Variants in GRM4 observed in about 807,000 individuals in gnomAD.
GRM4 encodes metabotropic glutamate receptor 4.
GRM4 carries 28 observed loss-of-function variants against 81.7 expected under a neutral mutation model. That is an observed-to-expected ratio of 0.34 (90% CI 0.25 to 0.47). The LOEUF is 0.47. GRM4 is among the 20% of genes least tolerant of loss of function. GRM4 has a pLI of 1.00. For synonymous variants in GRM4, 488 were observed against 528.8 expected, an observed-to-expected ratio of 0.92 and a Z score of 1.06; for missense variants, 948 against 1,290.0, an observed-to-expected ratio of 0.73 and a Z score of 4.06.
chr6:34,088,508 G>A (rs1280470892), intron 3 of GRM4, among the ~76,000 whole-genome samples: 16 of 152,138 alleles, frequency 1.1e-4, no homozygotes, highest in Admixed American at 5.9e-4. Context: ...TCCCAAGACC[G>A]CACAGCCAAT....
intron 1 of GRM4, among the ~76,000 whole-genome samples, chr6:34,135,471 A>G (rs1680399891): frequency 6.6e-6 from 1 of 152,230 alleles, no homozygotes; most frequent in Non-Finnish European, 1.5e-5. Context: ...CAGCAAATCA[A>G]GATGCATCCA....
At chr6:34,071,351 C>CCACA (rs756108710) in intron 3 of GRM4, among the ~76,000 whole-genome samples, 2 of 118,030 alleles carry the variant, frequency 1.7e-5, no homozygotes, top group African/African-American at 6.3e-5. Context: ...AAACACCGCA[C>CCACA]CACACACACA....
intron 3 of GRM4, among the ~76,000 whole-genome samples, chr6:34,081,841 G>T (rs1013609237): frequency 6.6e-6 from 1 of 152,200 alleles, no homozygotes; most frequent in Non-Finnish European, 1.5e-5. Flanking sequence ...AGCTCAGAGT[G>T]GGGGACTTGG....
chr6:34,103,848 G>T, intron 2 of GRM4: 1 of 1,424,008 alleles, frequency 7.0e-7, no homozygotes, highest in South Asian at 1.5e-5. Context: ...GATGTGTCAG[G>T]CACTGCGAGG....
intron 1 of GRM4, among the ~76,000 whole-genome samples, chr6:34,145,614 C>T (rs1770897878): frequency 6.6e-6 from 1 of 152,132 alleles, no homozygotes; most frequent in Admixed American, 6.5e-5. Flanking sequence ...GAGCGAGAGA[C>T]GAGAGAGCGA....
chr6:34,138,581 C>T (rs1438488001), intron 1 of GRM4, among the ~76,000 whole-genome samples: 1 of 152,236 alleles, frequency 6.6e-6, no homozygotes, highest in Non-Finnish European at 1.5e-5. Flanking sequence ...CCTCTGCTAT[C>T]CATCCGGGCC....
chr6:34,022,493 C>T lies in GRM4; in HGVS notation c.*328G>A. The stretch of plus-strand genomic sequence containing the variant: ...ACAGACAGAGGGGTCGCCAACAGCA[C>T]AGACAGAGACGAAGGGAGGGAGAGA... On this transcript the variant is annotated 3_prime_UTR_variant, in exon 11 of 11. Transcript: ENST00000538487. This position sits in a 1 kb window ranked among gnomAD's most constrained non-coding sequence, Gnocchi z 5.6. The T allele has an allele frequency of 2.6e-6, 1 of 383,396 alleles. No homozygotes were observed. Among genetic ancestry groups the T allele is most frequent in the South Asian group, 3.6e-5 (1 of 27,764 alleles). 23.7% of individuals were successfully genotyped at this position (383,396 alleles called of 1,614,324 possible).
intron 3 of GRM4, among the ~76,000 whole-genome samples, chr6:34,065,451 A>G (rs2127464409): frequency 6.6e-6 from 1 of 152,324 alleles, no homozygotes; most frequent in Non-Finnish European, 1.5e-5. Context: ...TCAGGGAACA[A>G]GCCCACTCCG....
At chr6:34,057,524 G>C (rs909641185) in intron 5 of GRM4, among the ~76,000 whole-genome samples, 1 of 152,184 alleles carries the variant, frequency 6.6e-6, no homozygotes, top group Non-Finnish European at 1.5e-5. Flanking sequence ...CCTGTGGGGG[G>C]CCATCCTGTG....
rs1050292691 is a variant in GRM4, at chr6:34,115,357, G to C, written c.519+17621C>G. On this transcript the variant is annotated intron_variant, in intron 2 of 10. Coordinates refer to ENST00000538487, the MANE Select transcript of GRM4 (RefSeq NM_000841.4). The surrounding 1 kb of genome is among the most constrained non-coding windows in gnomAD (Gnocchi z 4.1). ...CCCTACATTGTTAGCGCAGTAGAGA[G>C]AGCAACCGTGTCTCCAGGCTTCAAT... 2.8e-4 allele frequency among the ~76,000 whole-genome samples: 42 copies of C among 152,342 alleles called. 1 individual carries two copies. Among genetic ancestry groups the C allele is most frequent in the Non-Finnish European group, 1.6e-4 (11 of 68,028 alleles).
chr6:34,037,508 C>T (rs1764771796), intron 8 of GRM4, among the ~76,000 whole-genome samples: 1 of 152,156 alleles, frequency 6.6e-6, no homozygotes, highest in Non-Finnish European at 1.5e-5. Flanking sequence ...TGCATTTGCA[C>T]TGGGTGCTAC....
chr6:34,081,436 C>G (rs9469710), intron 3 of GRM4, among the ~76,000 whole-genome samples: 48 of 152,356 alleles, frequency 3.2e-4, no homozygotes, highest in African/African-American at 9.4e-4. Flanking sequence ...GGCCGAGTCT[C>G]TTCAGGCTCA....
At chr6:34,122,730 G>A (rs1484349807) in intron 2 of GRM4, among the ~76,000 whole-genome samples, 1 of 141,412 alleles carries the variant, frequency 7.1e-6, no homozygotes, top group African/African-American at 2.8e-5. Context: ...TCCCCGGTTT[G>A]TCTGTCTGTC....
chr6:34,122,651 G>T (rs1037757927), intron 2 of GRM4, among the ~76,000 whole-genome samples: 2 of 151,980 alleles, frequency 1.3e-5, no homozygotes, highest in Non-Finnish European at 1.5e-5. Context: ...GCAGACTAAG[G>T]GGGGTCCACC....
chr6:34,102,112 T>C lies in GRM4; in HGVS notation c.520-10013A>G, dbSNP rs973635472. 14 of 1,535,422 alleles carry C rather than the reference T, an allele frequency of 9.1e-6. No homozygotes were observed. The African/African-American group carries it at 9.6e-5, about 11-fold the overall frequency. On this transcript the variant is annotated intron_variant, in intron 2 of 10. Coordinates refer to ENST00000538487, the MANE Select transcript of GRM4 (RefSeq NM_000841.4). ...CATGGGGAAATAGCTTGGGAAGAGT[T>C]TGCACCATCTTGCAGCCAGCCGGAA... is the stretch of plus-strand genomic sequence containing the variant.
At chr6:34,024,019 A>G (rs1294896251) in intron 10 of GRM4, among the ~76,000 whole-genome samples, 1 of 151,952 alleles carries the variant, frequency 6.6e-6, no homozygotes, top group Non-Finnish European at 1.5e-5. Flanking sequence ...AGCTGCCCTG[A>G]CCCTCGGTCA....
Position 34,064,613 on chromosome 6 carries a change from G to A in GRM4, c.737-2585C>T, listed in dbSNP as rs1225619688. 6.6e-6 allele frequency among the ~76,000 whole-genome samples: 1 copy of A among 152,216 alleles called. No individual in the cohort carries two copies. Among genetic ancestry groups the A allele is most frequent in the East Asian group, 1.9e-4 (1 of 5,194 alleles). ...GCCCGTGGGTTCCCTCTGTTTCACA[G>A]CCCTATTGTCAGCATGTCCGCTCAG... is the stretch of plus-strand genomic sequence containing the variant. On this transcript the variant is annotated intron_variant, in intron 3 of 10. Transcript: ENST00000538487. This position sits in a 1 kb window ranked among gnomAD's most constrained non-coding sequence, Gnocchi z 4.4.
chr6:34,111,114 TACACACACAC>T lies in GRM4; in HGVS notation c.520-19025_520-19016del, dbSNP rs56326901. On this transcript the variant is annotated intron_variant, in intron 2 of 10. Transcript: ENST00000538487. This position sits in a 1 kb window ranked among gnomAD's most constrained non-coding sequence, Gnocchi z 5.1. ...GAGGAGGAGACACACACAGGCCACA[TACACACACAC>T]ACACACACACACACACACACACACA... is the stretch of plus-strand genomic sequence containing the variant. 1.6e-3 allele frequency: 235 copies of T among 143,982 alleles called. No homozygotes were observed. The highest frequency in any genetic ancestry group is 4.2e-3 in the African/African-American group (153 of 36,616). 8.9% of individuals were successfully genotyped at this position (143,982 alleles called of 1,614,324 possible). A position where few individuals can be genotyped will look rare whatever the true frequency, so the allele number is the denominator to read the frequency against.
intron 2 of GRM4, among the ~76,000 whole-genome samples, chr6:34,094,471 T>A (rs773080698): frequency 1.1e-4 from 16 of 152,202 alleles, no homozygotes; most frequent in Non-Finnish European, 2.1e-4. Context: ...AAATGTGAGC[T>A]CGGATTGGAT....
Sources: allele counts gnomAD v4.1 joint callset (sites outside exome capture counted in the v4.1 genomes callset), GRCh38; gene constraint gnomAD v4.1.1; non-coding constraint Gnocchi (gnomAD v3.1); transcripts MANE v1.5; gene names NCBI Gene and HGNC (gene_info 2026-07-23, HGNC 2026-07-21).